Variants in CSMD1 observed in about 807,000 individuals in gnomAD.
The protein encoded by CSMD1 is CUB and sushi domain-containing protein 1.
A neutral mutation model predicts 417.5 loss-of-function variants in CSMD1; 213 were observed. The observed-to-expected ratio is 0.51, with a 90% confidence interval of 0.46 to 0.57. The LOEUF is 0.57. Ranked by LOEUF, CSMD1 falls within the 20% of genes least tolerant of loss-of-function variation. The pLI is 0.00. For synonymous variants in CSMD1, 2,862 were observed against 1,736.8 expected, an observed-to-expected ratio of 1.65 and a Z score of -16.11; for missense variants, 6,923 against 4,529.7, an observed-to-expected ratio of 1.53 and a Z score of -15.17.
chr8:3,725,068 G>T (rs529502462), intron 6 of CSMD1, among the ~76,000 whole-genome samples: 1 of 152,208 alleles, frequency 6.6e-6, no homozygotes, highest in African/African-American at 2.4e-5. Flanking sequence ...GAGTGAGGCA[G>T]GAGGTTAAGG....
chr8:4,036,576 G>A (rs1389376478), intron 3 of CSMD1, among the ~76,000 whole-genome samples: 1 of 152,142 alleles, frequency 6.6e-6, no homozygotes, highest in Non-Finnish European at 1.5e-5. Flanking sequence ...ATCAATTTAG[G>A]AAAGGTATTT....
chr8:4,421,284 T>A (rs1013548420), intron 2 of CSMD1, among the ~76,000 whole-genome samples: 1 of 152,186 alleles, frequency 6.6e-6, no homozygotes, highest in Non-Finnish European at 1.5e-5. Flanking sequence ...AATTCTCCTG[T>A]GACTGAAGAC....
intron 5 of CSMD1, among the ~76,000 whole-genome samples, chr8:3,810,909 G>A (rs1801031112): frequency 6.6e-6 from 1 of 152,094 alleles, no homozygotes; most frequent in Admixed American, 6.6e-5. Context: ...TGAGAAAAGT[G>A]CTTCCTCATT....
intron 6 of CSMD1, among the ~76,000 whole-genome samples, chr8:3,726,617 G>C (rs980727986): frequency 6.6e-6 from 1 of 152,136 alleles, no homozygotes; most frequent in African/African-American, 2.4e-5. Flanking sequence ...TGTGTTACGA[G>C]GGTAGGTACA....
intron 2 of CSMD1, among the ~76,000 whole-genome samples, chr8:4,531,543 G>A (rs986599381): frequency 6.6e-6 from 1 of 152,166 alleles, no homozygotes; most frequent in Non-Finnish European, 1.5e-5. Flanking sequence ...GAAGGAAGGT[G>A]TAACTACATG....
At chr8:3,594,014 A>G (rs1384709695) in intron 8 of CSMD1, among the ~76,000 whole-genome samples, 1 of 152,214 alleles carries the variant, frequency 6.6e-6, no homozygotes, top group African/African-American at 2.4e-5. Context: ...CTAACTTTAG[A>G]GCAACAGAGT....
At chr8:3,971,929 A>G (rs1234811708) in intron 5 of CSMD1, among the ~76,000 whole-genome samples, 1 of 151,868 alleles carries the variant, frequency 6.6e-6, no homozygotes, top group Non-Finnish European at 1.5e-5. Context: ...TTTTTTTGAG[A>G]CAGGGTGTCA....
At chr8:3,926,616 G>A (rs1212331194) in intron 5 of CSMD1, among the ~76,000 whole-genome samples, 4 of 147,358 alleles carry the variant, frequency 2.7e-5, no homozygotes, top group Non-Finnish European at 3.0e-5. Context: ...TTTAAAATAT[G>A]ATTTTATGAA....
In CSMD1 at chr8:4,139,433, A is replaced by T. The variant is rs1803641492; in HGVS notation, c.416-107334T>A. On this transcript the variant is annotated intron_variant, in intron 3 of 69. Transcript: ENST00000635120. ...GCTAAGCACTGGAGGTAAAGAACGAAGGAAGACTCTATGCCTGCCCTGGAG... is the reference window on the plus strand; with the variant it reads ...GCTAAGCACTGGAGGTAAAGAACGATGGAAGACTCTATGCCTGCCCTGGAG... Among the ~76,000 whole-genome samples the T allele has an allele frequency of 1.4e-5, 2 of 144,600 alleles. 1 individual carries two copies. Among genetic ancestry groups the T allele is most frequent in the African/African-American group, 5.8e-5 (2 of 34,376 alleles). The allele number at this position is 144,600 out of a possible 152,430, so 94.9% of individuals were successfully genotyped here. A position where few individuals can be genotyped will look rare whatever the true frequency, so the allele number is the denominator to read the frequency against.
intron 3 of CSMD1, among the ~76,000 whole-genome samples, chr8:4,061,859 G>C (rs1798988885): frequency 6.6e-6 from 1 of 152,190 alleles, no homozygotes; most frequent in East Asian, 1.9e-4. Flanking sequence ...ATGTAGGTCA[G>C]TCTTTCCATG....
chr8:3,704,551 C>A (rs1270361241), intron 7 of CSMD1, among the ~76,000 whole-genome samples: 2 of 152,186 alleles, frequency 1.3e-5, no homozygotes, highest in African/African-American at 4.8e-5. Context: ...AGAGGAGTTT[C>A]TCATAAAAGC....
At chr8:3,121,430 C>T (rs1461316786) in intron 41 of CSMD1, among the ~76,000 whole-genome samples, 1 of 152,108 alleles carries the variant, frequency 6.6e-6, no homozygotes, top group African/African-American at 2.4e-5. Context: ...TGAGATAATT[C>T]CTGGCATTGG....
chr8:3,047,662 C>A (rs1811548521), intron 50 of CSMD1, among the ~76,000 whole-genome samples: 1 of 152,220 alleles, frequency 6.6e-6, no homozygotes. Context: ...TTACCCCCAA[C>A]CAACGACTTA....
intron 3 of CSMD1, among the ~76,000 whole-genome samples, chr8:4,097,348 A>T (rs918916): frequency 0.22 from 33,955 of 152,182 alleles, 4,702 homozygotes; most frequent in African/African-American, 0.38. Context: ...ACCTTTATAA[A>T]ATGTGTAAAA....
At chr8:3,122,367 A>G (rs984033983) in intron 41 of CSMD1, among the ~76,000 whole-genome samples, 2 of 152,164 alleles carry the variant, frequency 1.3e-5, no homozygotes, top group Non-Finnish European at 2.9e-5. Context: ...TTGATTAGAG[A>G]CACTCTACAA....
chr8:4,171,938 T>G (rs1421163201), intron 3 of CSMD1, among the ~76,000 whole-genome samples: 1 of 152,186 alleles, frequency 6.6e-6, no homozygotes, highest in African/African-American at 2.4e-5. Context: ...ATACTCTAGA[T>G]TTTGTGTTCT....
intron 5 of CSMD1, among the ~76,000 whole-genome samples, chr8:3,879,046 T>G (rs1806025063): frequency 6.6e-6 from 1 of 152,158 alleles, no homozygotes; most frequent in African/African-American, 2.4e-5. Flanking sequence ...TTTGGATAGT[T>G]CTCTAAGAAC....
rs528003067 is a variant in CSMD1, at chr8:4,228,100, C to T, written c.415+191853G>A. 9.2e-5 allele frequency among the ~76,000 whole-genome samples: 14 copies of T among 152,274 alleles called. 1 individual carries two copies. The highest frequency in any genetic ancestry group is 3.4e-4 in the African/African-American group (14 of 41,542). ...CCACACCAGGAGACACACTCTCTAT[C>T]CTTCATTCAACCCCGTAACAGGAGA... On this transcript the variant is annotated intron_variant, in intron 3 of 69. Coordinates refer to ENST00000635120, the MANE Select transcript of CSMD1 (RefSeq NM_033225.6).
intron 26 of CSMD1, among the ~76,000 whole-genome samples, chr8:3,247,190 T>C (rs1799936434): frequency 6.6e-6 from 1 of 152,174 alleles, no homozygotes; most frequent in South Asian, 2.1e-4. Context: ...TCACAGACCA[T>C]GTGATTTGAT....
Sources: allele counts gnomAD v4.1 joint callset (sites outside exome capture counted in the v4.1 genomes callset), GRCh38; gene constraint gnomAD v4.1.1; transcripts MANE v1.5; gene names NCBI Gene and HGNC (gene_info 2026-07-23, HGNC 2026-07-21).